MYH15: variants seen among roughly 807,000 people sequenced by gnomAD.
The protein encoded by MYH15 is myosin-15.
In MYH15, 227 loss-of-function variants were observed where a neutral mutation model predicts 240.5. The observed-to-expected ratio is 0.94, with a 90% CI of 0.85 to 1.05. The LOEUF (loss-of-function observed/expected upper bound fraction) is 1.05, where lower values mean the gene tolerates loss of function less well. Ranked by LOEUF, MYH15 falls within the 50% of genes least tolerant of loss-of-function variation. The probability of loss-of-function intolerance (pLI) is 0.00; values close to 1 mark genes in which losing one functional copy is unlikely to be tolerated. For synonymous variants in MYH15, 785 were observed against 796.7 expected, an observed-to-expected ratio of 0.99 and a Z score of 0.25; for missense variants, 2,217 against 2,247.5, an observed-to-expected ratio of 0.99 and a Z score of 0.27.
intron 28 of MYH15, 116 bp downstream of exon 28, chr3:108,420,972 C>T: frequency 7.0e-7 from 1 of 1,430,728 alleles, no homozygotes. Flanking sequence ...GCATTCCTCC[C>T]CTAGGATCTT....
chr3:108,449,693 C>T (rs1485987007), intron 21 of MYH15, among the ~76,000 whole-genome samples: 1 of 151,188 alleles, frequency 6.6e-6, no homozygotes, highest in Non-Finnish European at 1.5e-5. Flanking sequence ...TTAATGTGAC[C>T]CCAAAATCAA....
intron 33 of MYH15, among the ~76,000 whole-genome samples, chr3:108,403,998 TTTA>T (rs2082528101): frequency 6.6e-6 from 1 of 152,088 alleles, no homozygotes. Context: ...TTTTTTTTTT[TTTA>T]TCTGCACAAG....
intron 17 of MYH15, among the ~76,000 whole-genome samples, 175 bp from the exon 18 acceptor site, chr3:108,459,624 C>T (rs1459177906): frequency 6.6e-6 from 1 of 152,152 alleles, no homozygotes; most frequent in Non-Finnish European, 1.5e-5. Context: ...TTATTTCTTT[C>T]CTATGGCAAG....
At chr3:108,393,204 A>G (rs1284660713) in intron 36 of MYH15, among the ~76,000 whole-genome samples, 1 of 152,242 alleles carries the variant, frequency 6.6e-6, no homozygotes, top group Non-Finnish European at 1.5e-5. Flanking sequence ...TGGGAGGATC[A>G]GGGCTGTTGC....
At chr3:108,411,406 T>C (rs992856194) in intron 30 of MYH15, among the ~76,000 whole-genome samples, 4 of 152,214 alleles carry the variant, frequency 2.6e-5, no homozygotes, top group Admixed American at 1.3e-4. Context: ...TCTCTCATCA[T>C]GTGGCTCCTC....
chr3:108,410,434 T>TAA, intron 31 of MYH15, 149 bp downstream of exon 31: 3 of 455,004 alleles, frequency 6.6e-6, no homozygotes, highest in African/African-American at 2.0e-5. Flanking sequence ...GCATCTAAAG[T>TAA]AAAAAAAAAA....
At chr3:108,444,527 G>T in intron 22 of MYH15, 113 bp downstream of exon 22, 2 of 1,206,608 alleles carry the variant, frequency 1.7e-6, no homozygotes, top group Non-Finnish European at 2.3e-6. Flanking sequence ...AAAATCCTTT[G>T]GTATTTGAAA....
At chr3:108,474,205 A>C (rs2083200690) in intron 12 of MYH15, among the ~76,000 whole-genome samples, 1 of 152,078 alleles carries the variant, frequency 6.6e-6, no homozygotes. Flanking sequence ...TCTCTATAAA[A>C]TCAGAAAAAT....
At chr3:108,470,559 G>T (rs1576254167) in intron 13 of MYH15, 139 bp downstream of exon 13, 2 of 702,012 alleles carry the variant, frequency 2.8e-6, no homozygotes, top group Non-Finnish European at 2.3e-6. Flanking sequence ...ATTAATTATA[G>T]CTCTTTTCCA....
chr3:108,457,804 C>T (rs941063344), intron 18 of MYH15, among the ~76,000 whole-genome samples: 1 of 152,102 alleles, frequency 6.6e-6, no homozygotes, highest in East Asian at 1.9e-4. Context: ...GAGGCTGAGG[C>T]GGGCAGGTCA....
At chr3:108,417,858 C>T (rs2082647475) in intron 28 of MYH15, among the ~76,000 whole-genome samples, 1 of 151,946 alleles carries the variant, frequency 6.6e-6, no homozygotes, top group Non-Finnish European at 1.5e-5. Flanking sequence ...CATATATACA[C>T]ACCTATATGT....
intron 1 of MYH15, among the ~76,000 whole-genome samples, chr3:108,528,040 C>T (rs890843017): frequency 6.6e-6 from 1 of 152,032 alleles, no homozygotes; most frequent in African/African-American, 2.4e-5. Flanking sequence ...TTGTAAGAAC[C>T]CACTTCCTTA....
In MYH15 at chr3:108,493,114, A is replaced by G. The variant is rs750011997; in HGVS notation, c.775T>C (p.Tyr259His). ...GMLSSVDIDI[Y>H]LLEKSRVIFQ... ...ATCAGACAGTGCAATGACTACTTAC[A>G]GATATCAATGTCCACAGATGACAGC... The change falls in exon 8 of 41, where the codon TAT becomes CAT. Residue 259 changes from tyrosine (Y) to histidine (H), a missense_variant and splice_region_variant. Physicochemically the swap from Tyr to His is moderately conservative, Grantham distance 83 (BLOSUM62 2). Coordinates refer to ENST00000693548, the MANE Select transcript of MYH15 (RefSeq NM_014981.3). 8.7e-6 allele frequency: 14 copies of G among 1,613,804 alleles called. No individual in the cohort carries two copies. Among genetic ancestry groups the G allele is most frequent in the Non-Finnish European group, 1.1e-5 (13 of 1,179,760 alleles).
the MYH15 span, among the ~76,000 whole-genome samples, chr3:108,535,718 C>T: frequency 1.3e-5 from 2 of 152,048 alleles, no homozygotes; most frequent in Non-Finnish European, 2.9e-5. Flanking sequence ...GGGTTTTGTA[C>T]ACTAAGGTAA....
intron 1 of MYH15, among the ~76,000 whole-genome samples, chr3:108,506,876 C>A (rs1351049166): frequency 6.6e-6 from 1 of 152,014 alleles, no homozygotes; most frequent in East Asian, 1.9e-4. Context: ...ACTAAAAATA[C>A]AAAAATTAGC....
In MYH15 at chr3:108,428,698, G is replaced by A. The variant is rs1309870329; in HGVS notation, c.3496C>T (p.Leu1166=). ...TKKQETKFQK[L]HRDMEEATLH... ...GTGGCCTCTTCCATGTCTCGGTGCA[G>A]CTTCTGGAATTTGGTTTCCTGTTTC... The change falls in exon 27 of 41, where the codon CTG becomes TTG. Residue 1166 remains leucine (L), a synonymous_variant. Coordinates refer to ENST00000693548, the MANE Select transcript of MYH15 (RefSeq NM_014981.3). 1 of 1,613,802 alleles carries A rather than the reference G, an allele frequency of 6.2e-7. No homozygotes were observed. Among genetic ancestry groups the A allele is most frequent in the South Asian group, 1.1e-5 (1 of 91,042 alleles).
At chr3:108,417,730 T>G (rs1284241196) in intron 28 of MYH15, among the ~76,000 whole-genome samples, 1 of 151,724 alleles carries the variant, frequency 6.6e-6, no homozygotes, top group Non-Finnish European at 1.5e-5. Context: ...TTAACTCAAT[T>G]CTGACACTAT....
At chr3:108,498,511 C>A (rs1176289540) in intron 5 of MYH15, among the ~76,000 whole-genome samples, 1 of 152,162 alleles carries the variant, frequency 6.6e-6, no homozygotes, top group Non-Finnish European at 1.5e-5. Context: ...ACCACACAGC[C>A]AAGTCCAACC....
chr3:108,485,290 C>A, intron 10 of MYH15, 61 bp from the exon 11 acceptor site: 1 of 1,588,542 alleles, frequency 6.3e-7, no homozygotes, highest in Non-Finnish European at 8.6e-7. Flanking sequence ...GTGAGCACCT[C>A]ACCCCCGCTG....
Sources: gnomAD v4.1 joint callset for allele counts (sites outside exome capture counted in the v4.1 genomes callset) on GRCh38, gnomAD v4.1.1 for gene constraint, MANE v1.5 for transcripts, NCBI Gene and HGNC (gene_info 2026-07-23, HGNC 2026-07-21) for gene names.